The following MACROD1 variants were observed in gnomAD, a reference collection of about 807,000 sequenced individuals.
MACROD1 encodes mono-ADP ribosylhydrolase 1.
A neutral mutation model predicts 41.4 loss-of-function variants in MACROD1; 31 were observed. The ratio of observed to expected loss-of-function variants is 0.75; its 90% CI spans 0.56 to 1.01. MACROD1 has a LOEUF of 1.01. Among genes scored for constraint, MACROD1 ranks in the 50% least tolerant of loss-of-function variants. The pLI is 0.00. For synonymous variants in MACROD1, 252 were observed against 203.4 expected, an observed-to-expected ratio of 1.24 and a Z score of -2.03; for missense variants, 473 against 460.0, an observed-to-expected ratio of 1.03 and a Z score of -0.26.
intron 3 of MACROD1, chr11:64,148,905 C>T (rs1247273365): frequency 3.0e-6 from 3 of 985,362 alleles, no homozygotes; most frequent in Non-Finnish European, 3.6e-6. Context: ...ACTTTGAACG[C>T]TGGGGTTCCA....
intron 3 of MACROD1, among the ~76,000 whole-genome samples, chr11:64,021,300 G>A (rs1360517878): frequency 6.6e-6 from 1 of 152,196 alleles, no homozygotes; most frequent in Non-Finnish European, 1.5e-5. Flanking sequence ...GTAGGCGACA[G>A]GGGCTGCTCC....
chr11:64,057,764 C>A (rs1206581929), intron 3 of MACROD1, among the ~76,000 whole-genome samples: 1 of 152,258 alleles, frequency 6.6e-6, no homozygotes, highest in Non-Finnish European at 1.5e-5. Context: ...AGGAAGGGGA[C>A]AGCCACTTGT....
chr11:64,050,971 C>T lies in MACROD1; in HGVS notation c.518-35690G>A, dbSNP rs1015480387. On this transcript the variant is annotated intron_variant, in intron 3 of 10. Coordinates refer to ENST00000255681, the MANE Select transcript of MACROD1 (RefSeq NM_014067.4). ...GACTTTCTTGTTGCAGGCAGCCAGG[C>T]CTGTCCCCTGAGCCCCACTCCTGAA... 1.0e-3 allele frequency among the ~76,000 whole-genome samples: 158 copies of T among 152,320 alleles called. 1 individual carries two copies. Among genetic ancestry groups the T allele is most frequent in the Non-Finnish European group, 1.8e-4 (12 of 68,020 alleles).
intron 3 of MACROD1, among the ~76,000 whole-genome samples, chr11:64,143,405 A>G (rs983324213): frequency 1.3e-5 from 2 of 152,054 alleles, no homozygotes; most frequent in African/African-American, 4.8e-5. Context: ...TGTTGAGCAG[A>G]AGGAACACTC....
At chr11:64,153,272 C>T (rs926169772) in intron 1 of MACROD1, among the ~76,000 whole-genome samples, 8 of 152,210 alleles carry the variant, frequency 5.3e-5, no homozygotes, top group African/African-American at 1.9e-4. Flanking sequence ...GCCTGCACAC[C>T]CAGGCGCTCA....
intron 3 of MACROD1, among the ~76,000 whole-genome samples, chr11:64,113,871 C>G (rs375125379): frequency 9.0e-5 from 7 of 77,906 alleles, no homozygotes; most frequent in African/African-American, 1.7e-4. Flanking sequence ...TGGATTGATA[C>G]ATGGATGGAT....
At chr11:64,138,680 A>AGGGAGGAGGCAGCAGCG (rs1279936650) in intron 3 of MACROD1, 19 of 399,258 alleles carry the variant, frequency 4.8e-5, no homozygotes, top group African/African-American at 3.7e-4. Flanking sequence ...GTCCGAAGAC[A>AGGGAGGAGGCAGCAGCG]GGGAGGAGGC....
chr11:64,128,110 CCCT>C (rs1451453069), intron 3 of MACROD1, among the ~76,000 whole-genome samples: 4 of 152,172 alleles, frequency 2.6e-5, no homozygotes, highest in African/African-American at 9.7e-5. Flanking sequence ...CTCTGCCCCA[CCCT>C]CCTCCTCCAT....
At chr11:64,070,195 A>G (rs1052783084) in intron 3 of MACROD1, among the ~76,000 whole-genome samples, 1 of 152,120 alleles carries the variant, frequency 6.6e-6, no homozygotes, top group Non-Finnish European at 1.5e-5. Flanking sequence ...GTTGGGCGAC[A>G]GAGATGTGAG....
At chr11:64,118,306 G>T (rs369302404) in intron 3 of MACROD1, 1 of 1,537,374 alleles carries the variant, frequency 6.5e-7, no homozygotes, top group African/African-American at 1.4e-5. Flanking sequence ...CCGCCCACCC[G>T]GGCTGCCCCG....
intron 3 of MACROD1, among the ~76,000 whole-genome samples, chr11:64,111,930 C>A (rs1944870431): frequency 1.3e-5 from 2 of 152,246 alleles, no homozygotes; most frequent in South Asian, 4.1e-4. Context: ...TCAGCCTGGG[C>A]TGCAGGACTG....
intron 4 of MACROD1, among the ~76,000 whole-genome samples, chr11:64,011,474 G>A (rs1299722226): frequency 1.3e-5 from 2 of 151,846 alleles, no homozygotes. Flanking sequence ...TGTGTCCCTG[G>A]CTCCCAGGGC....
At chr11:64,106,952 C>T (rs192983225) in intron 3 of MACROD1, among the ~76,000 whole-genome samples, 1,777 of 152,264 alleles carry the variant, frequency 0.012, 30 homozygotes, top group African/African-American at 0.041. Flanking sequence ...CACGATCTCT[C>T]GGCTCACTGC....
chr11:64,047,834 T>G (rs1673144899), intron 3 of MACROD1, among the ~76,000 whole-genome samples: 1 of 149,040 alleles, frequency 6.7e-6, no homozygotes, highest in South Asian at 2.1e-4. Flanking sequence ...GAGGTAGAGG[T>G]TGCAGTGAGC....
chr11:64,104,933 G>C (rs1944732742), intron 3 of MACROD1, among the ~76,000 whole-genome samples: 1 of 152,164 alleles, frequency 6.6e-6, no homozygotes, highest in African/African-American at 2.4e-5. Flanking sequence ...GCAACCTCAA[G>C]CCTCTGTGCC....
intron 1 of MACROD1, among the ~76,000 whole-genome samples, chr11:64,156,000 C>A (rs1485108506): frequency 6.6e-6 from 1 of 150,394 alleles, no homozygotes; most frequent in Admixed American, 6.7e-5. Flanking sequence ...CCCAGCTACT[C>A]GGGAGGCTGA....
chr11:64,099,990 C>T (rs994826526), intron 3 of MACROD1, among the ~76,000 whole-genome samples: 2 of 152,238 alleles, frequency 1.3e-5, no homozygotes, highest in African/African-American at 2.4e-5. Flanking sequence ...GTGGATGGTC[C>T]GTTTCTCTTG....
intron 1 of MACROD1, among the ~76,000 whole-genome samples, chr11:64,162,460 C>T (rs1220397222): frequency 3.3e-5 from 5 of 152,084 alleles, no homozygotes; most frequent in African/African-American, 1.2e-4. Context: ...TATGATTACA[C>T]CACTGCACTT....
intron 3 of MACROD1, among the ~76,000 whole-genome samples, chr11:64,112,763 GA>G (rs1944885483): frequency 6.6e-6 from 1 of 152,218 alleles, no homozygotes; most frequent in Non-Finnish European, 1.5e-5. Flanking sequence ...TGCAGTCAGT[GA>G]GAGGGGAATG....
Sources: gnomAD v4.1 joint callset for allele counts (sites outside exome capture counted in the v4.1 genomes callset) on GRCh38, gnomAD v4.1.1 for gene constraint, MANE v1.5 for transcripts, NCBI Gene and HGNC (gene_info 2026-07-23, HGNC 2026-07-21) for gene names.